Variants in AGAP1 observed in about 807,000 individuals in gnomAD.
The protein encoded by AGAP1 is arf-GAP with GTPase, ANK repeat and PH domain-containing protein 1.
A neutral mutation model predicts 105.3 loss-of-function variants in AGAP1; 29 were observed. The ratio of observed to expected loss-of-function variants is 0.28; its 90% CI spans 0.21 to 0.38. The LOEUF is 0.38. Ranked by LOEUF, AGAP1 falls within the 10% of genes least tolerant of loss-of-function variation. AGAP1 has a pLI of 1.00. For synonymous variants in AGAP1, 509 were observed against 485.9 expected (o/e 1.05, Z -0.63); for missense variants, 998 against 1,165.1 (o/e 0.86, Z 2.09).
chr2:236,091,078 C>T (rs565059431), intron 16 of AGAP1, among the ~76,000 whole-genome samples: 7 of 152,328 alleles, frequency 4.6e-5, no homozygotes, highest in South Asian at 2.1e-4. Context: ...CACATCAATC[C>T]GCTGCCTGCA....
At chr2:235,975,982 A>G (rs10165512) in intron 13 of AGAP1, among the ~76,000 whole-genome samples, 145,120 of 152,320 alleles carry the variant, frequency 0.95, 69,173 homozygotes, top group East Asian at 1. Context: ...TCATTATAGC[A>G]AATGTGGAAA....
Position 235,752,692 on chromosome 2 carries a change from C to T in AGAP1, c.673+2204C>T, listed in dbSNP as rs960169026. ...TGGATAAGTTTAGTTTCCACAGTGA[C>T]TCCTTTGCTTTTGTATTTATCACGG... is the stretch of plus-strand genomic sequence containing the variant. On this transcript the variant is annotated intron_variant, in intron 6 of 17. Transcript: ENST00000304032. This position sits in a 1 kb window ranked among gnomAD's most constrained non-coding sequence, Gnocchi z 4.3. Among the ~76,000 whole-genome samples the T allele has an allele frequency of 2.0e-5, 3 of 152,184 alleles. No homozygotes were observed. Among genetic ancestry groups the T allele is most frequent in the African/African-American group, 7.2e-5 (3 of 41,448 alleles).
Position 235,716,995 on chromosome 2 carries a change from G to C in AGAP1, c.223-562G>C, listed in dbSNP as rs952764309. Among the ~76,000 whole-genome samples, 1 of 152,106 alleles carries C rather than the reference G, an allele frequency of 6.6e-6. No individual in the cohort carries two copies. Among genetic ancestry groups the C allele is most frequent in the Non-Finnish European group, 1.5e-5 (1 of 68,010 alleles). On this transcript the variant is annotated intron_variant, in intron 2 of 17. Transcript: ENST00000304032. This position sits in a 1 kb window ranked among gnomAD's most constrained non-coding sequence, Gnocchi z 4.0. The stretch of plus-strand genomic sequence containing the variant: ...GATGCCTTGGTGGGTCCTGTGTCTG[G>C]GAGGCAGGTGTGTGCCCTCCTCGCC...
Position 236,092,849 on chromosome 2 carries a change from A to T in AGAP1, c.2115-27343A>T, listed in dbSNP as rs2125875950. On this transcript the variant is annotated intron_variant, in intron 16 of 17. Coordinates refer to ENST00000304032, the MANE Select transcript of AGAP1 (RefSeq NM_001037131.3). The surrounding 1 kb of genome is among the most constrained non-coding windows in gnomAD (Gnocchi z 4.7). ...TCCAGATCTGGTTGAGAAGTAGGGA[A>T]TGGCCCTGGAGCATCCTGCTGTGCC... Among the ~76,000 whole-genome samples, 1 of 152,310 alleles carries T rather than the reference A, an allele frequency of 6.6e-6. No individual in the cohort carries two copies. Among genetic ancestry groups the T allele is most frequent in the South Asian group, 2.1e-4 (1 of 4,822 alleles).
Position 236,114,832 on chromosome 2 carries a change from A to G in AGAP1, c.2115-5360A>G, listed in dbSNP as rs1418042654. 6.6e-6 allele frequency among the ~76,000 whole-genome samples: 1 copy of G among 152,158 alleles called. No individual in the cohort carries two copies. Among genetic ancestry groups the G allele is most frequent in the East Asian group, 1.9e-4 (1 of 5,176 alleles). On this transcript the variant is annotated intron_variant, in intron 16 of 17. Coordinates refer to ENST00000304032, the MANE Select transcript of AGAP1 (RefSeq NM_001037131.3). This position sits in a 1 kb window ranked among gnomAD's most constrained non-coding sequence, Gnocchi z 5.0. ...TATGGGATACGACTCAGCCTCTAACATCCAAGAAGCCCTTAAACATCTCAA... is the reference window on the plus strand; with the variant it reads ...TATGGGATACGACTCAGCCTCTAACGTCCAAGAAGCCCTTAAACATCTCAA...
rs375110513 is a variant in AGAP1 at position 235,867,572 on chromosome 2, T to TGTGTGCGCGC, written c.1051-15770_1051-15769insTGCGCGCGTG. On this transcript the variant is annotated intron_variant, in intron 9 of 17. Coordinates refer to ENST00000304032, the MANE Select transcript of AGAP1 (RefSeq NM_001037131.3). The surrounding 1 kb of genome is among the most constrained non-coding windows in gnomAD (Gnocchi z 5.4). ...GTGTGTGTGTGTGTGTGTGTGTGTG[T>TGTGTGCGCGC]GTGCAAGTGAGGGAGGGTGACCCCC... Among the ~76,000 whole-genome samples, 1 of 148,370 alleles carries TGTGTGCGCGC rather than the reference T, an allele frequency of 6.7e-6. No individual in the cohort carries two copies. Among genetic ancestry groups the TGTGTGCGCGC allele is most frequent in the East Asian group, 2.0e-4 (1 of 4,974 alleles).
At chr2:235,878,485 G>A (rs2049855544) in intron 9 of AGAP1, among the ~76,000 whole-genome samples, 1 of 152,128 alleles carries the variant, frequency 6.6e-6, no homozygotes, top group African/African-American at 2.4e-5. Flanking sequence ...TGCCAAGCAG[G>A]TCTGATCTCT....
At chr2:235,871,305 C>A (rs140310561) in intron 9 of AGAP1, among the ~76,000 whole-genome samples, 1 of 152,218 alleles carries the variant, frequency 6.6e-6, no homozygotes, top group African/African-American at 2.4e-5. Flanking sequence ...CCTCCTCTCT[C>A]TCCTCCCGTA....
chr2:235,831,671 A>G (rs149072872), intron 9 of AGAP1, among the ~76,000 whole-genome samples: 65 of 152,294 alleles, frequency 4.3e-4, no homozygotes, highest in African/African-American at 1.3e-3. Flanking sequence ...GTAATATTCC[A>G]TTGCCTGGAT....
intron 1 of AGAP1, among the ~76,000 whole-genome samples, chr2:235,547,658 T>G (rs1943670483): frequency 6.6e-6 from 1 of 152,138 alleles, no homozygotes; most frequent in Admixed American, 6.5e-5. Flanking sequence ...CACGCTCAAC[T>G]AATTTTTGTA....
rs2050436850 is a variant in AGAP1 at position 235,889,641 on chromosome 2, A to C, written c.1155+6192A>C. Among the ~76,000 whole-genome samples, 1 of 151,138 alleles carries C rather than the reference A, an allele frequency of 6.6e-6. No homozygotes were observed. The highest frequency in any genetic ancestry group is 1.5e-5 in the Non-Finnish European group (1 of 67,954). ...CCCTAGTTCCTTTGACTTGCAGCTC[A>C]GCCTCACTCTGTCCTTTACTTAGGA... On this transcript the variant is annotated intron_variant, in intron 10 of 17. Transcript: ENST00000304032. The surrounding 1 kb of genome is among the most constrained non-coding windows in gnomAD (Gnocchi z 4.6).
chr2:235,865,940 T>C lies in AGAP1; in HGVS notation c.1051-17405T>C, dbSNP rs1047090069. 3.3e-5 allele frequency among the ~76,000 whole-genome samples: 5 copies of C among 152,238 alleles called. No homozygotes were observed. Among genetic ancestry groups the C allele is most frequent in the African/African-American group, 1.2e-4 (5 of 41,480 alleles). ...TTTTGCACACAACGAATGATTTCTA[T>C]GTTATCGATTTACTTCTTTCACTTA... On this transcript the variant is annotated intron_variant, in intron 9 of 17. Coordinates refer to ENST00000304032, the MANE Select transcript of AGAP1 (RefSeq NM_001037131.3). This position sits in a 1 kb window ranked among gnomAD's most constrained non-coding sequence, Gnocchi z 6.2.
intron 3 of AGAP1, among the ~76,000 whole-genome samples, chr2:235,727,764 T>C (rs566252230): frequency 9.8e-5 from 15 of 152,302 alleles, no homozygotes; most frequent in Admixed American, 3.9e-4. Context: ...GAGGTACCCA[T>C]ATTGATCATA....
intron 1 of AGAP1, among the ~76,000 whole-genome samples, chr2:235,648,824 T>C (rs1285754401): frequency 6.6e-6 from 1 of 150,798 alleles, no homozygotes; most frequent in Admixed American, 6.6e-5. Context: ...GAGGCGGAGG[T>C]TGCAGTGCGC....
intron 1 of AGAP1, among the ~76,000 whole-genome samples, chr2:235,671,389 C>T (rs1415045332): frequency 6.6e-6 from 1 of 152,172 alleles, no homozygotes; most frequent in Non-Finnish European, 1.5e-5. Flanking sequence ...GAGCTGGCTG[C>T]CCGCGACACC....
chr2:235,877,606 C>T lies in AGAP1; in HGVS notation c.1051-5739C>T, dbSNP rs1330536368. ...TGTCCCCCTTAGCACCACTCATGAC[C>T]TAGGAAGTCGGAGATGCCAACTCGG... On this transcript the variant is annotated intron_variant, in intron 9 of 17. Coordinates refer to ENST00000304032, the MANE Select transcript of AGAP1 (RefSeq NM_001037131.3). This position sits in a 1 kb window ranked among gnomAD's most constrained non-coding sequence, Gnocchi z 4.3. Among the ~76,000 whole-genome samples, 7 of 152,156 alleles carry T rather than the reference C, an allele frequency of 4.6e-5. No individual in the cohort carries two copies. Among genetic ancestry groups the T allele is most frequent in the Admixed American group, 4.6e-4 (7 of 15,272 alleles).
rs1350263771 is a variant in AGAP1 at position 235,691,894 on chromosome 2, A to T, written c.164-17285A>T. Among the ~76,000 whole-genome samples, 3 of 152,230 alleles carry T rather than the reference A, an allele frequency of 2.0e-5. No individual in the cohort carries two copies. Among genetic ancestry groups the T allele is most frequent in the Non-Finnish European group, 4.4e-5 (3 of 68,042 alleles). ...GAGGGAACTTAGAGGCAAGGCAGGG[A>T]TGCAAAATCGGAGTTCCTAGTAGAA... On this transcript the variant is annotated intron_variant, in intron 1 of 17. Transcript: ENST00000304032. The surrounding 1 kb of genome is among the most constrained non-coding windows in gnomAD (Gnocchi z 4.4).
chr2:235,787,693 A>G lies in AGAP1; in HGVS notation c.674-10066A>G, dbSNP rs1397877409. 1.3e-5 allele frequency among the ~76,000 whole-genome samples: 2 copies of G among 152,188 alleles called. No individual in the cohort carries two copies. The highest frequency in any genetic ancestry group is 2.4e-5 in the African/African-American group (1 of 41,454). ...GGATGCTATAAAGCATAGTAAAGAA[A>G]CCTTCCTTGACACATTAAAGGGAAA... On this transcript the variant is annotated intron_variant, in intron 6 of 17. Transcript: ENST00000304032. The surrounding 1 kb of genome is among the most constrained non-coding windows in gnomAD (Gnocchi z 4.4).
At chr2:235,606,914 C>G (rs1945958347) in intron 1 of AGAP1, among the ~76,000 whole-genome samples, 3 of 141,552 alleles carry the variant, frequency 2.1e-5, no homozygotes, top group Admixed American at 1.5e-4. Context: ...GCACTCCAGC[C>G]TGATGACAGA....
Sources: gnomAD v4.1 joint callset for allele counts (sites outside exome capture counted in the v4.1 genomes callset) on GRCh38, gnomAD v4.1.1 for gene constraint, Gnocchi (gnomAD v3.1) non-coding constraint, MANE v1.5 for transcripts, NCBI Gene and HGNC (gene_info 2026-07-23, HGNC 2026-07-21) for gene names.